MARCHF1: variants seen among roughly 807,000 people sequenced by gnomAD.
MARCHF1 encodes the protein E3 ubiquitin-protein ligase MARCHF1.
In MARCHF1, 40 loss-of-function variants were observed where a neutral mutation model predicts 54.2. The observed-to-expected ratio is 0.74, with a 90% CI of 0.57 to 0.96. The LOEUF (loss-of-function observed/expected upper bound fraction) is 0.96. MARCHF1 is among the 40% of genes least tolerant of loss of function. MARCHF1 has a pLI of 0.00. For synonymous variants in MARCHF1, 236 were observed against 236.3 expected, an observed-to-expected ratio of 1.00 and a Z score of 0.01; for missense variants, 586 against 656.5, an observed-to-expected ratio of 0.89 and a Z score of 1.17.
intron 1 of MARCHF1, among the ~76,000 whole-genome samples, chr4:164,179,963 A>G (rs1340101135): frequency 6.7e-6 from 1 of 148,908 alleles, no homozygotes; most frequent in South Asian, 2.2e-4. Flanking sequence ...AATTAACTCC[A>G]TACTAGATGG....
chr4:163,646,952 T>C (rs1237027213), intron 5 of MARCHF1, among the ~76,000 whole-genome samples: 1 of 152,092 alleles, frequency 6.6e-6, no homozygotes, highest in African/African-American at 2.4e-5. Context: ...AATTATCTGA[T>C]GAAAAGACAA....
intron 1 of MARCHF1, among the ~76,000 whole-genome samples, chr4:164,227,180 G>T (rs1732282868): frequency 1.3e-5 from 2 of 152,112 alleles, no homozygotes; most frequent in Non-Finnish European, 2.9e-5. Flanking sequence ...CATGGCTGGG[G>T]AAGCCTTAGG....
intron 2 of MARCHF1, among the ~76,000 whole-genome samples, chr4:164,072,841 T>C (rs74399897): frequency 0.011 from 1,668 of 152,062 alleles, 32 homozygotes; most frequent in African/African-American, 0.038. Flanking sequence ...GGAGAAGATA[T>C]AAAAATGTGT....
At chr4:164,176,661 G>T (rs1186201984) in intron 1 of MARCHF1, among the ~76,000 whole-genome samples, 3 of 150,228 alleles carry the variant, frequency 2.0e-5, no homozygotes, top group African/African-American at 5.0e-5. Context: ...TTTCTGAGAG[G>T]GATAGAGATA....
At chr4:163,968,261 A>G (rs1023918319) in intron 3 of MARCHF1, among the ~76,000 whole-genome samples, 8 of 152,230 alleles carry the variant, frequency 5.3e-5, no homozygotes, top group African/African-American at 1.7e-4. Flanking sequence ...GGAGAAAATG[A>G]AATTCTTGAC....
chr4:163,982,463 CA>C (rs1293473801), intron 3 of MARCHF1, among the ~76,000 whole-genome samples: 3 of 152,174 alleles, frequency 2.0e-5, no homozygotes, highest in African/African-American at 4.8e-5. Context: ...TCTCATAAGC[CA>C]GTTGCTGCAC....
chr4:163,945,090 A>G (rs952853904), intron 3 of MARCHF1, among the ~76,000 whole-genome samples: 2 of 152,190 alleles, frequency 1.3e-5, no homozygotes, highest in African/African-American at 4.8e-5. Context: ...CATCTCAGGC[A>G]TATGAGATGC....
At chr4:164,167,018 G>A (rs1730399569) in intron 1 of MARCHF1, among the ~76,000 whole-genome samples, 1 of 150,478 alleles carries the variant, frequency 6.6e-6, no homozygotes, top group Admixed American at 6.6e-5. Flanking sequence ...TCAGACTCAT[G>A]AGGGACATTA....
intron 1 of MARCHF1, among the ~76,000 whole-genome samples, chr4:164,241,677 G>A (rs926609295): frequency 2.2e-4 from 34 of 152,036 alleles, no homozygotes; most frequent in Middle Eastern, 3.4e-3. Flanking sequence ...CGTGAGCTAC[G>A]CAGAAGACGG....
At chr4:164,044,793 A>T (rs1754206678) in intron 2 of MARCHF1, among the ~76,000 whole-genome samples, 1 of 151,308 alleles carries the variant, frequency 6.6e-6, no homozygotes. Flanking sequence ...TTCTCTACAT[A>T]AGGACACTAT....
chr4:163,817,718 C>T (rs1041230061), intron 4 of MARCHF1, among the ~76,000 whole-genome samples: 6 of 151,872 alleles, frequency 4.0e-5, no homozygotes, highest in African/African-American at 7.3e-5. Flanking sequence ...TAAAGGTTTA[C>T]GTATGTTTTG....
At chr4:164,151,138 G>C (rs188329946) in intron 1 of MARCHF1, among the ~76,000 whole-genome samples, 1 of 130,974 alleles carries the variant, frequency 7.6e-6, no homozygotes, top group Non-Finnish European at 1.5e-5. Flanking sequence ...ATCCACTTTG[G>C]GCTCCAGAAC....
intron 1 of MARCHF1, among the ~76,000 whole-genome samples, chr4:164,226,696 G>A (rs1286964232): frequency 6.6e-6 from 1 of 151,820 alleles, no homozygotes; most frequent in African/African-American, 2.4e-5. Flanking sequence ...ATAAAACTTT[G>A]TACTAAATGT....
At chr4:163,783,821 G>A (rs1456822277) in intron 4 of MARCHF1, among the ~76,000 whole-genome samples, 5 of 152,104 alleles carry the variant, frequency 3.3e-5, no homozygotes, top group Non-Finnish European at 7.4e-5. Flanking sequence ...TCTAAAAGCA[G>A]GTAGTAGCAG....
chr4:164,230,376 C>T (rs1340780923), intron 1 of MARCHF1, among the ~76,000 whole-genome samples: 17 of 145,036 alleles, frequency 1.2e-4, no homozygotes, highest in African/African-American at 2.6e-4. Context: ...GCCTGGGCAA[C>T]GAGAGCAAAA....
intron 3 of MARCHF1, among the ~76,000 whole-genome samples, chr4:163,875,092 C>A (rs962337780): frequency 6.6e-6 from 1 of 151,904 alleles, no homozygotes; most frequent in Non-Finnish European, 1.5e-5. Context: ...TTCTTTAATT[C>A]TGGTCAGTTA....
chr4:163,569,799 C>G (rs1354486276), intron 8 of MARCHF1, among the ~76,000 whole-genome samples: 1 of 152,092 alleles, frequency 6.6e-6, no homozygotes, highest in Non-Finnish European at 1.5e-5. Context: ...TTGAATGCAT[C>G]TGTACAATGA....
At position 164,143,049 on chromosome 4, in the gene MARCHF1, A is replaced by T. The variant is rs372902286; in HGVS notation, c.-322-31387T>A. ...TGCAGAAGCCTCAGGAGCTGATGCG[A>T]TCAACTGGAAGAAAGGGTATCAGCA... On this transcript the variant is annotated intron_variant, in intron 1 of 9. Transcript: ENST00000514618. Among the ~76,000 whole-genome samples, 17 of 148,138 alleles carry T rather than the reference A, an allele frequency of 1.1e-4. 1 individual carries two copies. The South Asian group carries it at 3.6e-3, about 32-fold the overall frequency.
chr4:164,108,124 T>C (rs13114741), intron 2 of MARCHF1, among the ~76,000 whole-genome samples: 127,587 of 152,002 alleles, frequency 0.84, 54,062 homozygotes, highest in Non-Finnish European at 0.89. Context: ...TGTGACTATC[T>C]CTGAACAAAG....
Sources: allele counts gnomAD v4.1 joint callset (sites outside exome capture counted in the v4.1 genomes callset), GRCh38; gene constraint gnomAD v4.1.1; transcripts MANE v1.5; gene names NCBI Gene and HGNC (gene_info 2026-07-23, HGNC 2026-07-21).